Variants in STON1 observed in about 807,000 individuals in gnomAD.
The protein encoded by STON1 is stonin-1.
Under a neutral mutation model 60.9 loss-of-function variants are expected in STON1, and 79 were observed. The observed-to-expected ratio is 1.30, with a 90% CI of 1.08 to 1.56. STON1 has a LOEUF of 1.56. Among genes scored for constraint, STON1 ranks in the 40% most tolerant of loss-of-function variants. The probability of loss-of-function intolerance (pLI) is 0.00; values close to 1 mark genes in which losing one functional copy is unlikely to be tolerated. For missense variants in STON1, 1,166 were observed against 858.9 expected, an observed-to-expected ratio of 1.36 and a Z score of -4.47; for synonymous variants, 363 against 306.9, an observed-to-expected ratio of 1.18 and a Z score of -1.91.
At chr2:48,555,123 C>T (rs1464283821) in intron 1 of STON1, among the ~76,000 whole-genome samples, 2 of 77,226 alleles carry the variant, frequency 2.6e-5, no homozygotes, top group Admixed American at 2.7e-4. Context: ...CCCATGTCTA[C>T]TTCTTTCTAC....
chr2:48,571,442 G>A (rs980557818), intron 1 of STON1, among the ~76,000 whole-genome samples: 4 of 152,146 alleles, frequency 2.6e-5, no homozygotes, highest in Non-Finnish European at 4.4e-5. Context: ...TAAATGAGAC[G>A]TTGCCTGTGA....
At chr2:48,564,484 TTCTTC>T (rs1558604844) in intron 1 of STON1, among the ~76,000 whole-genome samples, 11 of 23,288 alleles carry the variant, frequency 4.7e-4, no homozygotes, top group South Asian at 2.0e-3. Flanking sequence ...TTCTTCTTTC[TTCTTC>T]TTCTTCTTCT....
intron 1 of STON1, among the ~76,000 whole-genome samples, chr2:48,565,878 G>T (rs1672920200): frequency 6.6e-6 from 1 of 152,168 alleles, no homozygotes; most frequent in African/African-American, 2.4e-5. Flanking sequence ...TAGCATCTAT[G>T]GCAGTGACAT....
chr2:48,560,241 G>A (rs1237319430), intron 1 of STON1, among the ~76,000 whole-genome samples: 1 of 152,168 alleles, frequency 6.6e-6, no homozygotes, highest in Non-Finnish European at 1.5e-5. Flanking sequence ...AGAGGAGAAG[G>A]AGGAAATTTG....
At chr2:48,552,079 G>C (rs550498787) in intron 1 of STON1, among the ~76,000 whole-genome samples, 76 of 152,360 alleles carry the variant, frequency 5.0e-4, no homozygotes, top group Non-Finnish European at 1.0e-3. Flanking sequence ...CTGCAGAGCA[G>C]CTACTCCAAA....
intron 3 of STON1, among the ~76,000 whole-genome samples, chr2:48,592,471 A>C (rs1010556342): frequency 3.4e-4 from 52 of 150,872 alleles, no homozygotes; most frequent in Non-Finnish European, 5.5e-4. Flanking sequence ...TCACTCTGTC[A>C]CCCAGGCTGG....
chr2:48,573,386 C>A (rs1019991043), intron 1 of STON1, among the ~76,000 whole-genome samples: 2 of 152,212 alleles, frequency 1.3e-5, no homozygotes, highest in Non-Finnish European at 2.9e-5. Context: ...AGTGGTAATA[C>A]AATTTCTGCT....
intron 1 of STON1, among the ~76,000 whole-genome samples, chr2:48,564,051 C>T (rs1572951534): frequency 1.3e-5 from 2 of 152,028 alleles, no homozygotes; most frequent in Non-Finnish European, 2.9e-5. Context: ...GTTAGAGGCC[C>T]GTGACTGGCT....
rs541748603 is a variant in STON1 at position 48,598,439 on chromosome 2, A to T, written c.*3137A>T. The T allele has an allele frequency of 6.6e-6, 1 of 152,664 alleles. No individual in the cohort carries two copies. Among genetic ancestry groups the T allele is most frequent in the Non-Finnish European group, 1.5e-5 (1 of 68,046 alleles). 9.5% of individuals were successfully genotyped at this position (152,664 alleles called of 1,614,324 possible). On this transcript the variant is annotated 3_prime_UTR_variant, in exon 4 of 4. Coordinates refer to ENST00000404752, the MANE Select transcript of STON1 (RefSeq NM_006873.4). ...GTCAATGCAAATATAAGACAGGTTGAGCCTTAATCATGTAACAAAATATTT... is the reference window on the plus strand; with the variant it reads ...GTCAATGCAAATATAAGACAGGTTGTGCCTTAATCATGTAACAAAATATTT...
At chr2:48,594,894 G>C (rs1041379688) in intron 3 of STON1, among the ~76,000 whole-genome samples, 1 of 152,194 alleles carries the variant, frequency 6.6e-6, no homozygotes, top group Non-Finnish European at 1.5e-5. Flanking sequence ...TATTCAGGTA[G>C]AGGGATAATT....
At chr2:48,578,004 G>A (rs963085734) in intron 1 of STON1, among the ~76,000 whole-genome samples, 2 of 151,292 alleles carry the variant, frequency 1.3e-5, no homozygotes, top group African/African-American at 4.9e-5. Context: ...TTTTTGAGAC[G>A]GAGTTTTGCT....
chr2:48,564,488 T>TCTTCTTCTTC (rs1672796561), intron 1 of STON1, among the ~76,000 whole-genome samples: 1 of 21,258 alleles, frequency 4.7e-5, no homozygotes, highest in Non-Finnish European at 9.6e-5. Flanking sequence ...TCTTTCTTCT[T>TCTTCTTCTTC]CTTCTTCTTC....
At chr2:48,584,805 G>C (rs560239870) in intron 2 of STON1, among the ~76,000 whole-genome samples, 1 of 152,138 alleles carries the variant, frequency 6.6e-6, no homozygotes, top group Non-Finnish European at 1.5e-5. Context: ...ATTGACTTGA[G>C]GGGCAGCACT....
At chr2:48,534,291 C>G (rs2177487) in intron 1 of STON1, among the ~76,000 whole-genome samples, 24,222 of 151,844 alleles carry the variant, frequency 0.16, 3,087 homozygotes, top group East Asian at 0.74. Flanking sequence ...TTCGAAAACT[C>G]TTTGAGGTAA....
rs764406407 is a variant in STON1, at chr2:48,582,013, C to A, written c.1380C>A (p.Asp460Glu). ...GNLECFLTLN[D>E]LELPKRDESY... is the part of the protein sequence containing the mutation. ...TGGAATGCTTTTTAACCTTGAATGA[C>A]CTTGAGTTGCCGAAGCGAGATGAAT... The change falls in exon 2 of 4, where the codon GAC becomes GAA. Residue 460 changes from aspartate to glutamate, a missense_variant. Physicochemically the swap from Asp to Glu is conservative, Grantham distance 45 (BLOSUM62 2). Transcript: ENST00000404752. 6.2e-7 allele frequency: 1 copy of A among 1,614,124 alleles called. No homozygotes were observed. Among genetic ancestry groups the A allele is most frequent in the Non-Finnish European group, 8.5e-7 (1 of 1,180,024 alleles).
rs957261007 is a variant in STON1, at chr2:48,596,116, C to T, written c.*814C>T. 6.6e-6 allele frequency: 1 copy of T among 152,118 alleles called. No individual in the cohort carries two copies. The highest frequency in any genetic ancestry group is 1.5e-5 in the Non-Finnish European group (1 of 68,012). The allele number at this position is 152,118 out of a possible 1,614,324, so 9.4% of individuals were successfully genotyped here. On this transcript the variant is annotated 3_prime_UTR_variant, in exon 4 of 4. Transcript: ENST00000404752. ...TTTTAAAATTTATAAATACTATTTT[C>T]CAAAAGTACAGACTCTAAGGACATA...
At chr2:48,545,329 G>A (rs1392940418) in intron 1 of STON1, among the ~76,000 whole-genome samples, 1 of 152,182 alleles carries the variant, frequency 6.6e-6, no homozygotes, top group Non-Finnish European at 1.5e-5. Context: ...AACAGCCCCT[G>A]CTTGTCGGTA....
At position 48,530,182 on chromosome 2, in the gene STON1, C is replaced by T. The variant is rs893304291; in HGVS notation, c.-82C>T. ...TTCCTCCGCCTCCTGGTGTGGCTGGCTGCGGCCAGAATCGGAGCCCCAACC... is the reference window on the plus strand; with the variant it reads ...TTCCTCCGCCTCCTGGTGTGGCTGGTTGCGGCCAGAATCGGAGCCCCAACC... On this transcript the variant is annotated 5_prime_UTR_variant, in exon 1 of 4. Transcript: ENST00000404752. 4 of 397,988 alleles carry T rather than the reference C, an allele frequency of 1.0e-5. No individual in the cohort carries two copies. Among genetic ancestry groups the T allele is most frequent in the South Asian group, 1.8e-5 (1 of 54,748 alleles). The allele number at this position is 397,988 out of a possible 1,614,324, so 24.7% of individuals were successfully genotyped here. A position where few individuals can be genotyped will look rare whatever the true frequency, so the allele number is the denominator to read the frequency against.
chr2:48,569,774 C>G (rs540980317), intron 1 of STON1, among the ~76,000 whole-genome samples: 6 of 152,270 alleles, frequency 3.9e-5, no homozygotes, highest in Middle Eastern at 3.4e-3. Context: ...GTTGAGTATC[C>G]TTTACACCAA....
Sources: gnomAD v4.1 joint callset for allele counts (sites outside exome capture counted in the v4.1 genomes callset) on GRCh38, gnomAD v4.1.1 for gene constraint, MANE v1.5 for transcripts, NCBI Gene and HGNC (gene_info 2026-07-23, HGNC 2026-07-21) for gene names.